Variants in MTIF3 observed in about 807,000 individuals in gnomAD.
The protein encoded by MTIF3 is translation initiation factor IF-3, mitochondrial.
Under a neutral mutation model 20.7 loss-of-function variants are expected in MTIF3, and 13 were observed. The ratio of observed to expected loss-of-function variants is 0.63; its 90% confidence interval spans 0.41 to 1.00. The LOEUF (loss-of-function observed/expected upper bound fraction) is 1.00, where lower values mean the gene tolerates loss of function less well. Ranked by LOEUF, MTIF3 falls within the 50% of genes least tolerant of loss-of-function variation. The probability of loss-of-function intolerance (pLI) is 0.00; values close to 1 mark genes in which losing one functional copy is unlikely to be tolerated. For synonymous variants in MTIF3, 114 were observed against 112.5 expected, an observed-to-expected ratio of 1.01 and a Z score of -0.08; for missense variants, 295 against 324.5, an observed-to-expected ratio of 0.91 and a Z score of 0.70.
chr13:27,439,936 C>T, intron 3 of MTIF3, 53 bp downstream of exon 3: 2 of 1,503,438 alleles, frequency 1.3e-6, no homozygotes, highest in Non-Finnish European at 1.8e-6. Context: ...AGAATTTAAA[C>T]TGCTGATTTG....
At chr13:27,439,958 G>A in intron 3 of MTIF3, 31 bp downstream of exon 3, 1 of 1,587,856 alleles carries the variant, frequency 6.3e-7, no homozygotes, top group Non-Finnish European at 8.6e-7. Context: ...AGCTCTTAAA[G>A]GATTCAGGGA....
chr13:27,441,905 C>T (rs1240281665), intron 2 of MTIF3, among the ~76,000 whole-genome samples: 1 of 152,198 alleles, frequency 6.6e-6, no homozygotes, highest in Non-Finnish European at 1.5e-5. Flanking sequence ...TATCTCTCAC[C>T]TGTCATGTTC....
At chr13:27,448,016 C>G (rs1391102045) in intron 1 of MTIF3, among the ~76,000 whole-genome samples, 1 of 152,112 alleles carries the variant, frequency 6.6e-6, no homozygotes, top group African/African-American at 2.4e-5. Flanking sequence ...ATTATTACTG[C>G]TCCAAAGGAC....
At chr13:27,442,161 G>C (rs1209517532) in intron 2 of MTIF3, among the ~76,000 whole-genome samples, 1 of 152,126 alleles carries the variant, frequency 6.6e-6, no homozygotes, top group Admixed American at 6.5e-5. Flanking sequence ...TGCAAAACTT[G>C]CTCCTCCCTC....
In MTIF3 at chr13:27,440,239, CTTTT is replaced by C. The variant is rs1278942196; in HGVS notation, c.206_209del (p.Lys69ArgfsTer36). The stretch of plus-strand genomic sequence containing the variant: ...CAACGTTACTAAAAGCTGTTTTATT[CTTTT>C]TTGTCTTTTTTCCTTCATTCTGGGT... On this transcript the variant is annotated frameshift_variant, in exon 3 of 5. Transcript: ENST00000381120. LOFTEE classifies it high-confidence loss of function. The C allele has an allele frequency of 6.2e-7, 1 of 1,614,142 alleles. No homozygotes were observed. Among genetic ancestry groups the C allele is most frequent in the South Asian group, 1.1e-5 (1 of 91,080 alleles).
intron 2 of MTIF3, among the ~76,000 whole-genome samples, chr13:27,442,161 G>GCT (rs1280230551): frequency 6.6e-6 from 1 of 152,126 alleles, no homozygotes; most frequent in African/African-American, 2.4e-5. Flanking sequence ...TGCAAAACTT[G>GCT]CTCCTCCCTC....
intron 1 of MTIF3, among the ~76,000 whole-genome samples, chr13:27,448,044 AATTC>A (rs1304597181): frequency 6.8e-6 from 1 of 147,612 alleles, no homozygotes; most frequent in African/African-American, 2.5e-5. Context: ...TTCCCTGTAT[AATTC>A]ATTATTTTGC....
At chr13:27,436,900 C>T (rs965768639) in intron 4 of MTIF3, among the ~76,000 whole-genome samples, 8 of 152,090 alleles carry the variant, frequency 5.3e-5, no homozygotes, top group Non-Finnish European at 5.9e-5. Flanking sequence ...TACAGGTGCC[C>T]GCCACCACGC....
intron 2 of MTIF3, among the ~76,000 whole-genome samples, chr13:27,442,910 G>A (rs915472267): frequency 2.6e-5 from 4 of 152,150 alleles, no homozygotes; most frequent in Admixed American, 6.5e-5. Flanking sequence ...AAAGCTTCAT[G>A]AGAACATGGA....
chr13:27,437,405 C>T, intron 3 of MTIF3, 132 bp from the exon 4 acceptor site: 2 of 750,840 alleles, frequency 2.7e-6, no homozygotes, highest in East Asian at 2.7e-5. Context: ...GTTTCACAGA[C>T]CAGTAAATGT....
chr13:27,439,403 GGAGAA>G (rs1342684893), intron 3 of MTIF3, among the ~76,000 whole-genome samples: 5 of 152,210 alleles, frequency 3.3e-5, no homozygotes, highest in African/African-American at 1.2e-4. Flanking sequence ...GGCTAAGGCA[GGAGAA>G]TCGCTTGAGC....
Position 27,437,101 on chromosome 13 carries a change from A to G in MTIF3, c.618+15T>C. 1.9e-6 allele frequency: 3 copies of G among 1,611,390 alleles called. No individual in the cohort carries two copies. Among genetic ancestry groups the G allele is most frequent in the Non-Finnish European group, 1.7e-6 (2 of 1,178,652 alleles). On this transcript the variant is annotated intron_variant, in intron 4 of 4. Coordinates refer to ENST00000381120, the MANE Select transcript of MTIF3 (RefSeq NM_152912.5). ...ACCCAAAGCACAAGCAGTGGCTTGT[A>G]CCTTCTTTACTTACCATTTCATTTT...
chr13:27,446,862 TA>T (rs1225591543), intron 1 of MTIF3, among the ~76,000 whole-genome samples: 1 of 152,012 alleles, frequency 6.6e-6, no homozygotes, highest in Non-Finnish European at 1.5e-5. Context: ...GAGGCTGGCA[TA>T]AAAAAAGTAC....
chr13:27,448,832 A>G (rs1429239235), intron 1 of MTIF3, among the ~76,000 whole-genome samples: 1 of 152,126 alleles, frequency 6.6e-6, no homozygotes, highest in African/African-American at 2.4e-5. Flanking sequence ...TGAGGTCAGA[A>G]GTTCAAGACC....
rs1566083747 is a variant in MTIF3 at position 27,440,196 on chromosome 13, G to A, written c.253C>T (p.Arg85Ter). The change falls in exon 3 of 5, where the codon CGA becomes TGA. Residue 85 changes from arginine (R) to a stop codon, truncating the protein, a stop_gained. Coordinates refer to ENST00000381120, the MANE Select transcript of MTIF3 (RefSeq NM_152912.5). LOFTEE classifies it high-confidence loss of function. ...FSNVGRKISQRVIHLFDEKGN... is the reference protein window; with the variant it reads ...FSNVGRKISQ ...TTCTCATCAAATAAGTGAATAACTC[G>A]CTGACTAATTTTTCTTCCAACGTTA... The A allele has an allele frequency of 8.1e-6, 13 of 1,614,078 alleles. No homozygotes were observed. Among genetic ancestry groups the A allele is most frequent in the South Asian group, 1.1e-5 (1 of 91,072 alleles).
In MTIF3 at chr13:27,436,180, A is replaced by G. The variant is rs532385560; in HGVS notation, c.619-287T>C. Reference sequence around the variant, plus strand: ...TTACCCTCTCCCACAAACAGAAAGCACTGGGTTTGGGCATTGGCAAAATAC... The same window carrying G: ...TTACCCTCTCCCACAAACAGAAAGCGCTGGGTTTGGGCATTGGCAAAATAC... On this transcript the variant is annotated intron_variant, in intron 4 of 4. Coordinates refer to ENST00000381120, the MANE Select transcript of MTIF3 (RefSeq NM_152912.5). Among the ~76,000 whole-genome samples, 16 of 152,304 alleles carry G rather than the reference A, an allele frequency of 1.1e-4. No individual in the cohort carries two copies. In the East Asian group the frequency reaches 2.3e-3, roughly 22 times the overall value.
intron 1 of MTIF3, 176 bp downstream of exon 1, chr13:27,450,329 ACAGC>A (rs1954327054): frequency 6.6e-6 from 1 of 152,302 alleles, no homozygotes; most frequent in Admixed American, 6.5e-5. Context: ...AAATGGCTTT[ACAGC>A]CCGGCAGAAC....
At chr13:27,442,574 G>A (rs566340106) in intron 2 of MTIF3, among the ~76,000 whole-genome samples, 11 of 152,226 alleles carry the variant, frequency 7.2e-5, no homozygotes, top group South Asian at 6.2e-4. Context: ...GGCCTGTGCC[G>A]ACCGTACTTC....
At chr13:27,438,483 G>GTTTTTT (rs61052475) in intron 3 of MTIF3, among the ~76,000 whole-genome samples, 1,213 of 107,012 alleles carry the variant, frequency 0.011, 86 homozygotes, top group East Asian at 0.026. Flanking sequence ...GAGCAAGACT[G>GTTTTTT]TTTTTTTTTT....
Sources: gnomAD v4.1 joint callset for allele counts (sites outside exome capture counted in the v4.1 genomes callset) on GRCh38, gnomAD v4.1.1 for gene constraint, MANE v1.5 for transcripts, NCBI Gene and HGNC (gene_info 2026-07-23, HGNC 2026-07-21) for gene names.